Variants in SGMS2 observed in about 807,000 individuals in gnomAD.
The protein encoded by SGMS2 is sphingomyelin synthase 2, also known as phosphatidylcholine:ceramide cholinephosphotransferase 2.
SGMS2 carries 21 observed loss-of-function variants against 43.8 expected under a neutral mutation model. That is an observed-to-expected ratio of 0.48 (90% CI 0.34 to 0.69). SGMS2 has a LOEUF of 0.69. SGMS2 is among the 30% of genes least tolerant of loss of function. The pLI, the probability that SGMS2 is intolerant of heterozygous loss-of-function variation, is 0.01. For synonymous variants in SGMS2, 167 were observed against 160.6 expected, an observed-to-expected ratio of 1.04 and a Z score of -0.30; for missense variants, 384 against 443.2, an observed-to-expected ratio of 0.87 and a Z score of 1.20.
intron 2 of SGMS2, among the ~76,000 whole-genome samples, chr4:107,868,673 G>C (rs565114301): frequency 2.6e-5 from 4 of 151,912 alleles, no homozygotes; most frequent in Admixed American, 2.0e-4. Context: ...AGCCGAGATC[G>C]TGCCACTGCA....
intron 1 of SGMS2, among the ~76,000 whole-genome samples, chr4:107,847,928 A>G (rs1726925290): frequency 6.6e-6 from 1 of 152,194 alleles, no homozygotes; most frequent in African/African-American, 2.4e-5. Context: ...ATGATATATT[A>G]TTAACCAAAG....
chr4:107,910,646 GT>G lies in SGMS2; in HGVS notation c.*94del. 1 of 1,261,946 alleles carries G rather than the reference GT, an allele frequency of 7.9e-7. No homozygotes were observed. Among genetic ancestry groups the G allele is most frequent in the Admixed American group, 2.7e-5 (1 of 37,394 alleles). The allele number at this position is 1,261,946 out of a possible 1,614,324, so 78.2% of individuals were successfully genotyped here. A position where few individuals can be genotyped will look rare whatever the true frequency, so the allele number is the denominator to read the frequency against. Reference sequence around the variant, plus strand: ...TTTTTTATTTTAGGAGAACTGACTGGTAAATGAAGAAATGGACCAAATTTTG... The same window carrying G: ...TTTTTTATTTTAGGAGAACTGACTGGAAATGAAGAAATGGACCAAATTTTG... On this transcript the variant is annotated 3_prime_UTR_variant, in exon 7 of 7. Transcript: ENST00000690982.
intron 2 of SGMS2, chr4:107,893,338 A>G (rs1414515227): frequency 2.6e-5 from 4 of 152,246 alleles, no homozygotes; most frequent in African/African-American, 9.6e-5. Flanking sequence ...CACATATGGA[A>G]GAGTAAAGTT....
Position 107,910,728 on chromosome 4 carries a change from A to G in SGMS2, c.*175A>G. ...TGCCCTTTGACTGGTTTTCTTCTTC[A>G]TCCTGAGAAAGATACATTCTCTTGC... On this transcript the variant is annotated 3_prime_UTR_variant, in exon 7 of 7. Coordinates refer to ENST00000690982, the MANE Select transcript of SGMS2 (RefSeq NM_001375905.1). The G allele has an allele frequency of 1.6e-6, 1 of 609,136 alleles. No individual in the cohort carries two copies. The highest frequency in any genetic ancestry group is 2.8e-6 in the Non-Finnish European group (1 of 353,854). The allele number at this position is 609,136 out of a possible 1,614,324, so 37.7% of individuals were successfully genotyped here. A position where few individuals can be genotyped will look rare whatever the true frequency, so the allele number is the denominator to read the frequency against.
At chr4:107,908,845 TTAAACA>T in intron 6 of SGMS2, 114 bp downstream of exon 6, 1 of 858,992 alleles carries the variant, frequency 1.2e-6, no homozygotes, top group East Asian at 2.5e-5. Context: ...CCACATTCAC[TTAAACA>T]TATATCCATT....
intron 1 of SGMS2, among the ~76,000 whole-genome samples, chr4:107,836,227 G>A (rs978042985): frequency 5.9e-5 from 9 of 152,162 alleles, no homozygotes; most frequent in Admixed American, 3.3e-4. Flanking sequence ...CCTGTACTGG[G>A]CACTGCAGCT....
intron 1 of SGMS2, among the ~76,000 whole-genome samples, chr4:107,844,293 C>T (rs930228124): frequency 4.0e-5 from 6 of 151,588 alleles, no homozygotes; most frequent in African/African-American, 1.2e-4. Flanking sequence ...CACTGCACTC[C>T]AGCCTGGGTG....
intron 1 of SGMS2, among the ~76,000 whole-genome samples, chr4:107,832,948 A>T (rs1249726829): frequency 2.0e-5 from 3 of 152,180 alleles, no homozygotes; most frequent in African/African-American, 7.2e-5. Flanking sequence ...GGTTTGCTTT[A>T]TCCTGGGAGG....
intron 5 of SGMS2, among the ~76,000 whole-genome samples, chr4:107,905,162 T>C (rs1443090407): frequency 6.6e-6 from 1 of 152,202 alleles, no homozygotes; most frequent in African/African-American, 2.4e-5. Flanking sequence ...GAAAAAGTGG[T>C]TTAGTGGACT....
chr4:107,832,788 G>T (rs541247571), intron 1 of SGMS2, among the ~76,000 whole-genome samples: 1 of 152,292 alleles, frequency 6.6e-6, no homozygotes, highest in East Asian at 1.9e-4. Context: ...AGCACTTTGG[G>T]AGGCCAAGGC....
intron 2 of SGMS2, among the ~76,000 whole-genome samples, chr4:107,887,180 A>C (rs769418103): frequency 1.6e-4 from 25 of 152,290 alleles, no homozygotes; most frequent in African/African-American, 3.1e-4. Context: ...TTTTTCCTCT[A>C]TTCTGATGTC....
At chr4:107,846,957 C>T (rs377293554) in intron 1 of SGMS2, among the ~76,000 whole-genome samples, 2 of 151,708 alleles carry the variant, frequency 1.3e-5, no homozygotes, top group African/African-American at 4.9e-5. Context: ...TTTTGATGGG[C>T]TTGTTTGTTT....
At chr4:107,846,873 G>A (rs1726857784) in intron 1 of SGMS2, among the ~76,000 whole-genome samples, 1 of 150,810 alleles carries the variant, frequency 6.6e-6, no homozygotes. Context: ...GTGATGATGA[G>A]CATTTTTTCA....
intron 2 of SGMS2, among the ~76,000 whole-genome samples, chr4:107,888,015 G>A (rs901537860): frequency 1.3e-5 from 2 of 152,142 alleles, no homozygotes; most frequent in African/African-American, 4.8e-5. Flanking sequence ...CTTTGACATT[G>A]ATAATTAATT....
chr4:107,855,931 A>G (rs1037362977), intron 1 of SGMS2, among the ~76,000 whole-genome samples: 3 of 152,212 alleles, frequency 2.0e-5, no homozygotes, highest in African/African-American at 4.8e-5. Context: ...GAAATTAAGT[A>G]TCATGCCTGG....
chr4:107,860,596 C>T (rs1381955842), intron 2 of SGMS2, among the ~76,000 whole-genome samples: 3 of 151,144 alleles, frequency 2.0e-5, no homozygotes, highest in East Asian at 1.9e-4. Context: ...ATCTCGGCGG[C>T]TCACTGCAAT....
chr4:107,882,746 GTTTTC>G (rs138280369), intron 2 of SGMS2, among the ~76,000 whole-genome samples: 4 of 152,210 alleles, frequency 2.6e-5, no homozygotes, highest in East Asian at 1.9e-4. Flanking sequence ...AGTGACAACA[GTTTTC>G]TTTTTTAAGG....
At chr4:107,871,000 A>G (rs1450279079) in intron 2 of SGMS2, among the ~76,000 whole-genome samples, 3 of 152,154 alleles carry the variant, frequency 2.0e-5, no homozygotes, top group Non-Finnish European at 4.4e-5. Context: ...ATGTTTCCTG[A>G]CTACCTCTTG....
At chr4:107,890,583 G>C (rs1334366145) in intron 2 of SGMS2, among the ~76,000 whole-genome samples, 2 of 150,168 alleles carry the variant, frequency 1.3e-5, no homozygotes, top group Non-Finnish European at 3.0e-5. Context: ...ACTGGGGCAG[G>C]AGAATCCCTT....
Sources: gnomAD v4.1 joint callset for allele counts (sites outside exome capture counted in the v4.1 genomes callset) on GRCh38, gnomAD v4.1.1 for gene constraint, MANE v1.5 for transcripts, NCBI Gene and HGNC (gene_info 2026-07-23, HGNC 2026-07-21) for gene names.